UNC13C: variants seen among roughly 807,000 people sequenced by gnomAD.
UNC13C encodes the protein unc-13 homolog C.
Under a neutral mutation model 245.4 loss-of-function variants are expected in UNC13C, and 174 were observed. The ratio of observed to expected loss-of-function variants is 0.71; its 90% CI spans 0.63 to 0.80. The LOEUF is 0.80. UNC13C is among the 30% of genes least tolerant of loss of function. The pLI, the probability that UNC13C is intolerant of heterozygous loss-of-function variation, is 0.00. For missense variants in UNC13C, 2,829 were observed against 2,602.9 expected (o/e 1.09, Z -1.89); for synonymous variants, 992 against 895.1 (o/e 1.11, Z -1.93).
the UNC13C span, among the ~76,000 whole-genome samples, chr15:53,865,821 G>C: frequency 1.3e-5 from 2 of 152,158 alleles, no homozygotes; most frequent in East Asian, 3.9e-4. Flanking sequence ...TATGGATATA[G>C]AAGTTTTATA....
rs1223166273 is a variant in UNC13C at position 54,332,071 on chromosome 15, A to G, written c.4454A>G (p.Gln1485Arg). The G allele has an allele frequency of 6.3e-7, 1 of 1,583,066 alleles. No individual in the cohort carries two copies. The highest frequency in any genetic ancestry group is 8.6e-7 in the Non-Finnish European group (1 of 1,162,970). Residue 1485 changes from glutamine to arginine, a missense_variant, in exon 15 of 33, where the codon CAG (glutamine) becomes CGG (arginine). Gln to Arg is a conservative substitution (Grantham distance 43, BLOSUM62 1). Transcript: ENST00000260323. ...GAAAAATTCATAAAACTACTGGACC[A>G]GTTACATAACTCTTTGAGGATTGAT... is the stretch of plus-strand genomic sequence containing the variant. Reference protein sequence around the residue: ...GREKFIKLLDQLHNSLRIDLS... With the variant: ...GREKFIKLLDRLHNSLRIDLS...
chr15:53,859,431 C>T, the UNC13C span, among the ~76,000 whole-genome samples: 1 of 152,018 alleles, frequency 6.6e-6, no homozygotes, highest in Non-Finnish European at 1.5e-5. Context: ...AAGGGATAGC[C>T]CAGGTTTGTC....
chr15:54,546,518 G>A (rs892355015), intron 26 of UNC13C, among the ~76,000 whole-genome samples: 31 of 152,216 alleles, frequency 2.0e-4, no homozygotes, highest in African/African-American at 5.8e-4. Context: ...AGAAAACAAC[G>A]TAAGAAAAGA....
intron 4 of UNC13C, among the ~76,000 whole-genome samples, chr15:54,225,307 C>A (rs2035349380): frequency 6.6e-6 from 1 of 151,800 alleles, no homozygotes; most frequent in African/African-American, 2.4e-5. Context: ...TTTTTTGGTT[C>A]CATATAAACT....
chr15:54,520,897 A>C (rs1297187339), intron 24 of UNC13C, among the ~76,000 whole-genome samples: 1 of 152,158 alleles, frequency 6.6e-6, no homozygotes, highest in Non-Finnish European at 1.5e-5. Context: ...TGAAGATCAA[A>C]AGAAGGAAGG....
chr15:54,143,304 G>C (rs2032109109), intron 3 of UNC13C, among the ~76,000 whole-genome samples: 1 of 152,152 alleles, frequency 6.6e-6, no homozygotes, highest in Non-Finnish European at 1.5e-5. Context: ...CTTTTCTTAA[G>C]TCTGGCTAAT....
At chr15:54,475,119 G>C (rs1596447295) in intron 19 of UNC13C, among the ~76,000 whole-genome samples, 1 of 151,748 alleles carries the variant, frequency 6.6e-6, no homozygotes, top group Non-Finnish European at 1.5e-5. Flanking sequence ...TGATTTGTCT[G>C]TTTTTTCTTT....
At chr15:54,401,364 G>A (rs2040179681) in intron 18 of UNC13C, among the ~76,000 whole-genome samples, 1 of 152,064 alleles carries the variant, frequency 6.6e-6, no homozygotes, top group Non-Finnish European at 1.5e-5. Context: ...GTTAACTACT[G>A]TGCCTGCCAC....
At chr15:54,521,741 T>C (rs1374923270) in intron 24 of UNC13C, among the ~76,000 whole-genome samples, 1 of 152,190 alleles carries the variant, frequency 6.6e-6, no homozygotes, top group African/African-American at 2.4e-5. Context: ...CTGGAATATA[T>C]GGTTTCTAAG....
At position 54,085,524 on chromosome 15, in the gene UNC13C, T is replaced by A. The variant is rs542381144; in HGVS notation, c.2984-57494T>A. Among the ~76,000 whole-genome samples the A allele has an allele frequency of 3.0e-4, 45 of 152,278 alleles. No individual in the cohort carries two copies. The South Asian group carries it at 7.9e-3, about 27-fold the overall frequency. On this transcript the variant is annotated intron_variant, in intron 2 of 32. Coordinates refer to ENST00000260323, the MANE Select transcript of UNC13C (RefSeq NM_001080534.3). ...TCTGTATTGTCAGTGCCCAGAAGCC[T>A]AGTAGAAACAAATAAATATCTTCTC...
At chr15:54,216,111 A>G (rs1313503588) in intron 4 of UNC13C, among the ~76,000 whole-genome samples, 1 of 151,918 alleles carries the variant, frequency 6.6e-6, no homozygotes, top group African/African-American at 2.4e-5. Context: ...TACATGAAGG[A>G]AAGTGGACAA....
intron 17 of UNC13C, among the ~76,000 whole-genome samples, chr15:54,377,792 C>T (rs1341444671): frequency 6.6e-6 from 1 of 152,154 alleles, no homozygotes; most frequent in African/African-American, 2.4e-5. Context: ...GTTCCACCCC[C>T]ATGATGACCT....
At chr15:53,854,675 C>G in the UNC13C span, among the ~76,000 whole-genome samples, 3 of 152,084 alleles carry the variant, frequency 2.0e-5, no homozygotes, top group Non-Finnish European at 2.9e-5. Flanking sequence ...TGTACCAGTA[C>G]CATGCTGTTT....
intron 19 of UNC13C, 133 bp from the exon 20 acceptor site, chr15:54,494,475 C>A (rs1200619954): frequency 1.2e-6 from 1 of 802,144 alleles, no homozygotes; most frequent in Non-Finnish European, 1.7e-6. Context: ...CAGCTTTTAG[C>A]AATTCATTAT....
chr15:54,426,321 A>G (rs1402368478), intron 19 of UNC13C, among the ~76,000 whole-genome samples: 1 of 147,618 alleles, frequency 6.8e-6, no homozygotes, highest in Non-Finnish European at 1.5e-5. Flanking sequence ...CTTCCATATT[A>G]TCTCGTATGG....
intron 10 of UNC13C, among the ~76,000 whole-genome samples, chr15:54,291,608 C>A (rs2037301653): frequency 6.6e-6 from 1 of 151,934 alleles, no homozygotes; most frequent in African/African-American, 2.4e-5. Context: ...TTGCCTGGCA[C>A]TGTGCTAACT....
chr15:53,994,154 A>G (rs1025551590), intron 1 of UNC13C, among the ~76,000 whole-genome samples: 1 of 148,244 alleles, frequency 6.7e-6, no homozygotes, highest in African/African-American at 2.6e-5. Flanking sequence ...TTTAAACAGA[A>G]GAGACGTTAC....
At chr15:54,342,842 C>T (rs1245511728) in intron 17 of UNC13C, among the ~76,000 whole-genome samples, 3 of 152,050 alleles carry the variant, frequency 2.0e-5, no homozygotes, top group African/African-American at 4.8e-5. Flanking sequence ...TTTGGCATTG[C>T]ATAAGCAAAA....
intron 2 of UNC13C, among the ~76,000 whole-genome samples, chr15:54,142,033 C>T (rs757920951): frequency 7.2e-5 from 11 of 152,140 alleles, no homozygotes; most frequent in Non-Finnish European, 1.6e-4. Flanking sequence ...CACTCCAGCT[C>T]TAGCATTTTG....
Sources: allele counts gnomAD v4.1 joint callset (sites outside exome capture counted in the v4.1 genomes callset), GRCh38; gene constraint gnomAD v4.1.1; transcripts MANE v1.5; gene names NCBI Gene and HGNC (gene_info 2026-07-23, HGNC 2026-07-21).